The following ERCC6 variants were observed in gnomAD, a reference collection of about 807,000 sequenced individuals.
ERCC6 encodes DNA excision repair protein ERCC-6.
ERCC6 carries 116 observed loss-of-function variants against 158.7 expected under a neutral mutation model. That is an observed-to-expected ratio of 0.73 (90% CI 0.63 to 0.85). The LOEUF (loss-of-function observed/expected upper bound fraction) is 0.85. Among genes scored for constraint, ERCC6 ranks in the 40% least tolerant of loss-of-function variants. ERCC6 has a pLI of 0.00. For missense variants in ERCC6, 1,698 were observed against 1,799.4 expected (o/e 0.94, Z 1.02); for synonymous variants, 678 against 659.3 (o/e 1.03, Z -0.43).
chr10:49,473,477 C>A lies in ERCC6; in HGVS notation c.2709G>T (p.Glu903Asp), dbSNP rs1262001304. ...SRQPLITRYN[E>D]DTSIFVFLLT... ...CTTCCCTGTTACATTCACATGTTAC[C>A]TCATTGTATCTCGTAATCAGTGGCT... Residue 903 changes from glutamate to aspartate, a missense_variant and splice_region_variant, in exon 14 of 21, where the codon GAG (glutamate) becomes GAT (aspartate). By Grantham distance (45) the Glu-to-Asp change is conservative. Coordinates refer to ENST00000355832, the MANE Select transcript of ERCC6 (RefSeq NM_000124.4). 3 of 1,573,118 alleles carry A rather than the reference C, an allele frequency of 1.9e-6. No individual in the cohort carries two copies. Among genetic ancestry groups the A allele is most frequent in the African/African-American group, 1.3e-5 (1 of 74,246 alleles).
downstream of ERCC6, among the ~76,000 whole-genome samples, chr10:49,450,808 G>T (rs547581023): frequency 1.4e-5 from 2 of 140,208 alleles, no homozygotes; most frequent in South Asian, 4.8e-4. Context: ...CAAGTGTGTA[G>T]AAATACGATT....
In ERCC6 at chr10:49,524,672, G is replaced by A. The variant is rs1398751173; in HGVS notation, c.758C>T (p.Pro253Leu). 3.1e-6 allele frequency: 5 copies of A among 1,613,510 alleles called. No homozygotes were observed. Among genetic ancestry groups the A allele is most frequent in the African/African-American group, 1.3e-5 (1 of 75,024 alleles). ...GQMTPFGTQI[P>L]QKQEKKPRKI... The stretch of plus-strand genomic sequence containing the variant: ...TCTGGGCTTTTTCTCCTGTTTCTGA[G>A]GGATCTGGGTACCAAAAGGTGTCAT... The change falls in exon 5 of 21, where the codon CCT (proline) becomes CTT (leucine). Residue 253 changes from proline to leucine, a missense_variant. Transcript: ENST00000355832.
chr10:49,491,004 C>T (rs1851165432), intron 8 of ERCC6, among the ~76,000 whole-genome samples: 1 of 152,196 alleles, frequency 6.6e-6, no homozygotes, highest in Non-Finnish European at 1.5e-5. Flanking sequence ...TGTAATTTAA[C>T]ACACGTGTAA....
downstream of ERCC6, among the ~76,000 whole-genome samples, chr10:49,451,750 T>A (rs1375405005): frequency 6.6e-6 from 1 of 152,176 alleles, no homozygotes; most frequent in Non-Finnish European, 1.5e-5. Flanking sequence ...AGCAGTTTTG[T>A]TATCAGGGCA....
At chr10:49,520,653 T>C (rs956652703) in intron 5 of ERCC6, among the ~76,000 whole-genome samples, 1 of 152,016 alleles carries the variant, frequency 6.6e-6, no homozygotes, top group African/African-American at 2.4e-5. Context: ...GTGCCTATGA[T>C]AGACATCACT....
At chr10:49,468,804 G>C (rs1369774779) in intron 18 of ERCC6, among the ~76,000 whole-genome samples, 2 of 152,132 alleles carry the variant, frequency 1.3e-5, no homozygotes, top group Non-Finnish European at 2.9e-5. Flanking sequence ...TCCAGGGCTG[G>C]CACAGAATAC....
chr10:49,458,663 C>T lies in ERCC6; in HGVS notation c.*152G>A. 2.7e-6 allele frequency: 2 copies of T among 728,292 alleles called. No individual in the cohort carries two copies. The highest frequency in any genetic ancestry group is 1.8e-5 in the South Asian group (1 of 55,554). 45.1% of individuals were successfully genotyped at this position (728,292 alleles called of 1,614,324 possible). On this transcript the variant is annotated 3_prime_UTR_variant, in exon 21 of 21. Coordinates refer to ENST00000355832, the MANE Select transcript of ERCC6 (RefSeq NM_000124.4). ...TTTAACTTTCAGAGAAGAGTTTCTT[C>T]TTCCTTAAAGTTTTAATTCTGAGGT...
At chr10:49,508,342 T>C (rs1851479389) in intron 5 of ERCC6, among the ~76,000 whole-genome samples, 1 of 152,194 alleles carries the variant, frequency 6.6e-6, no homozygotes, top group South Asian at 2.1e-4. Flanking sequence ...TCAATCTTTG[T>C]GGCTGCTAAA....
At chr10:49,472,505 T>C (rs761280736) in intron 15 of ERCC6, 35 bp from the exon 16 acceptor site, 1 of 1,599,404 alleles carries the variant, frequency 6.3e-7, no homozygotes, top group South Asian at 1.1e-5. Flanking sequence ...TCAACGAGAA[T>C]CCTTCCCAAT....
intron 5 of ERCC6, among the ~76,000 whole-genome samples, chr10:49,519,152 G>T: frequency 6.6e-6 from 1 of 152,108 alleles, no homozygotes. Flanking sequence ...CAATGGAGGT[G>T]GGGGCAGCTA....
At chr10:49,452,242 A>G (rs545488967), downstream of ERCC6, among the ~76,000 whole-genome samples, 9 of 151,996 alleles carry the variant, frequency 5.9e-5, no homozygotes, top group African/African-American at 2.2e-4. Flanking sequence ...ACACCTATAA[A>G]TTTCCTCTAA....
chr10:49,439,198 C>G, the ERCC6 span, among the ~76,000 whole-genome samples: 2 of 152,362 alleles, frequency 1.3e-5, no homozygotes, highest in Non-Finnish European at 2.9e-5. Flanking sequence ...AAAGGTTCTC[C>G]ATGAGTGCCC....
intron 6 of ERCC6, chr10:49,504,941 G>GA (rs1307146284): frequency 6.6e-6 from 1 of 152,114 alleles, no homozygotes; most frequent in Non-Finnish European, 1.5e-5. Flanking sequence ...CTCTTTGAGA[G>GA]AAAATATAAA....
downstream of ERCC6, among the ~76,000 whole-genome samples, chr10:49,452,686 A>G (rs1181506508): frequency 6.6e-6 from 1 of 152,104 alleles, no homozygotes; most frequent in East Asian, 1.9e-4. Flanking sequence ...GGAGTCTCCA[A>G]TTATTATTGT....
chr10:49,471,247 T>G lies in ERCC6; in HGVS notation c.2925-127A>C, dbSNP rs1001201454. 44 of 904,984 alleles carry G rather than the reference T, an allele frequency of 4.9e-5. No homozygotes were observed. The African/African-American group carries it at 7.0e-4, about 14-fold the overall frequency. 56.1% of individuals were successfully genotyped at this position (904,984 alleles called of 1,614,324 possible). On this transcript the variant is annotated intron_variant, in intron 16 of 20. Transcript: ENST00000355832. ...TGAATGGCTAAATAATCCCCCAAAC[T>G]TTCAGCCTTGGAAAATTACAATTCA...
chr10:49,513,679 A>G (rs1395775986), intron 5 of ERCC6, among the ~76,000 whole-genome samples: 1 of 152,184 alleles, frequency 6.6e-6, no homozygotes, highest in African/African-American at 2.4e-5. Context: ...TTTTAAAACC[A>G]TAAGCTCTCA....
intron 5 of ERCC6, among the ~76,000 whole-genome samples, chr10:49,518,826 A>T (rs934697419): frequency 6.6e-6 from 1 of 152,238 alleles, no homozygotes; most frequent in Non-Finnish European, 1.5e-5. Context: ...ATTATGTCTC[A>T]CAGACTATTA....
intron 7 of ERCC6, among the ~76,000 whole-genome samples, chr10:49,498,268 A>C (rs1590433290): frequency 6.6e-6 from 1 of 152,336 alleles, no homozygotes; most frequent in Non-Finnish European, 1.5e-5. Context: ...TAAAATTACA[A>C]CACCAAAATC....
chr10:49,482,910 A>G lies in ERCC6; in HGVS notation c.1993-47T>C, dbSNP rs200950339. On this transcript the variant is annotated intron_variant, in intron 9 of 20. Coordinates refer to ENST00000355832, the MANE Select transcript of ERCC6 (RefSeq NM_000124.4). ...CTTTTTATTAAATTTACCTTTTAGC[A>G]ATCGCCATTCCTACCCTAAAACGCT... 1.5e-4 allele frequency: 245 copies of G among 1,602,858 alleles called. No individual in the cohort carries two copies. The African/African-American group carries it at 3.0e-3, about 20-fold the overall frequency.
Sources: allele counts gnomAD v4.1 joint callset (sites outside exome capture counted in the v4.1 genomes callset), GRCh38; gene constraint gnomAD v4.1.1; transcripts MANE v1.5; gene names NCBI Gene and HGNC (gene_info 2026-07-23, HGNC 2026-07-21).